The following SERINC3 variants were observed in gnomAD, a reference collection of about 807,000 sequenced individuals.
SERINC3 encodes tumor differentially expressed protein 1.
In SERINC3, 22 loss-of-function variants were observed where a neutral mutation model predicts 52.1. The ratio of observed to expected loss-of-function variants is 0.42; its 90% CI spans 0.30 to 0.60. The LOEUF is 0.60. Ranked by LOEUF, SERINC3 falls within the 20% of genes least tolerant of loss-of-function variation. SERINC3 has a pLI of 0.16. For missense variants in SERINC3, 564 were observed against 584.6 expected (o/e 0.96, Z 0.36); for synonymous variants, 226 against 212.7 (o/e 1.06, Z -0.54).
Position 44,500,439 on chromosome 20 carries a change from G to C in SERINC3, c.1284-5C>G, listed in dbSNP as rs1170941307. 1 of 1,558,190 alleles carries C rather than the reference G, an allele frequency of 6.4e-7. No individual in the cohort carries two copies. The highest frequency in any genetic ancestry group is 1.9e-5 in the Admixed American group (1 of 51,324). On this transcript the variant is annotated splice_region_variant and splice_polypyrimidine_tract_variant and intron_variant, in intron 9 of 9. Coordinates refer to ENST00000342374, the MANE Select transcript of SERINC3 (RefSeq NM_006811.4). ...CTCTGAAACTTTGCATCAGGGCTAAGAAAACAAGAGAGAGTCAGGTAGAAA... is the reference window on the plus strand; with the variant it reads ...CTCTGAAACTTTGCATCAGGGCTAACAAAACAAGAGAGAGTCAGGTAGAAA...
Position 44,514,043 on chromosome 20 carries a change from G to A in SERINC3, c.40-3C>T, listed in dbSNP as rs781702053. The A allele has an allele frequency of 1.9e-6, 3 of 1,613,598 alleles. No individual in the cohort carries two copies. Among genetic ancestry groups the A allele is most frequent in the South Asian group, 2.2e-5 (2 of 90,998 alleles). On this transcript the variant is annotated splice_polypyrimidine_tract_variant and splice_region_variant and intron_variant, in intron 1 of 9. Transcript: ENST00000342374. ...GCACCGCTGCAGAGGCATGGAACCT[G>A]GAATGAGCACACCATGGTCACCTGA...
chr20:44,500,213 G>T lies in SERINC3; in HGVS notation c.*83C>A, dbSNP rs2064270324. The T allele has an allele frequency of 1.4e-6, 2 of 1,421,368 alleles. No individual in the cohort carries two copies. Among genetic ancestry groups the T allele is most frequent in the Admixed American group, 2.5e-5 (1 of 39,284 alleles). 88.0% of individuals were successfully genotyped at this position (1,421,368 alleles called of 1,614,324 possible). A position where few individuals can be genotyped will look rare whatever the true frequency, so the allele number is the denominator to read the frequency against. ...TGCAAAGCATTCACTTAATATTTTA[G>T]TTGAAACAAACTTAAAAGGTATATG... On this transcript the variant is annotated 3_prime_UTR_variant, in exon 10 of 10. Coordinates refer to ENST00000342374, the MANE Select transcript of SERINC3 (RefSeq NM_006811.4).
At chr20:44,508,988 G>C (rs184791692) in intron 5 of SERINC3, among the ~76,000 whole-genome samples, 1 of 152,286 alleles carries the variant, frequency 6.6e-6, no homozygotes, top group East Asian at 1.9e-4. Flanking sequence ...AAATAAAACT[G>C]CGCAATTCAA....
chr20:44,509,265 T>C (rs1016325402), intron 5 of SERINC3, among the ~76,000 whole-genome samples: 1 of 152,176 alleles, frequency 6.6e-6, no homozygotes, highest in Non-Finnish European at 1.5e-5. Flanking sequence ...CTCACTCCTA[T>C]CTGCCTAAAG....
At chr20:44,512,244 G>C (rs1490876586) in intron 3 of SERINC3, among the ~76,000 whole-genome samples, 1 of 151,142 alleles carries the variant, frequency 6.6e-6, no homozygotes. Flanking sequence ...ACCCGGGAGG[G>C]GGAGGTTGCA....
rs539718622 is a variant in SERINC3, at chr20:44,509,843, G to T, written c.613+48C>A. 12 of 1,589,412 alleles carry T rather than the reference G, an allele frequency of 7.5e-6. No homozygotes were observed. The African/African-American group carries it at 1.3e-4, about 18-fold the overall frequency. ...ATAATGATGATTTTTATTGTACACC[G>T]TGCTTAATGTAGCAGTATGGCTAAC... On this transcript the variant is annotated intron_variant, in intron 5 of 9. Transcript: ENST00000342374.
At chr20:44,519,530 CAAG>C (rs1278620936) in intron 1 of SERINC3, 2 of 231,718 alleles carry the variant, frequency 8.6e-6, no homozygotes, top group Non-Finnish European at 1.4e-5. Flanking sequence ...TTCTTTAGGT[CAAG>C]GTCAGAATAA....
At chr20:44,518,634 T>C (rs577584791) in intron 1 of SERINC3, among the ~76,000 whole-genome samples, 1 of 152,288 alleles carries the variant, frequency 6.6e-6, no homozygotes, top group East Asian at 1.9e-4. Context: ...GTTCTTCTCA[T>C]AGAAGCCTTT....
intron 1 of SERINC3, among the ~76,000 whole-genome samples, chr20:44,518,075 C>T (rs1293503266): frequency 1.3e-5 from 2 of 152,088 alleles, no homozygotes; most frequent in Admixed American, 1.3e-4. Flanking sequence ...TCACAGTATC[C>T]TTAGCTATCA....
At chr20:44,515,151 C>A (rs1486270864) in intron 1 of SERINC3, among the ~76,000 whole-genome samples, 21 of 152,130 alleles carry the variant, frequency 1.4e-4, no homozygotes, top group Admixed American at 1.3e-3. Context: ...GTCAGGAGTT[C>A]AAGACCAGCC....
chr20:44,511,253 T>C (rs761002922), intron 4 of SERINC3, 36 bp downstream of exon 4: 109 of 1,376,270 alleles, frequency 7.9e-5, no homozygotes, highest in Non-Finnish European at 7.6e-5. Flanking sequence ...AGAGTTTATA[T>C]AGTTTAAAAT....
intron 1 of SERINC3, among the ~76,000 whole-genome samples, chr20:44,515,591 C>T (rs541443190): frequency 1.3e-5 from 2 of 151,650 alleles, no homozygotes; most frequent in East Asian, 1.9e-4. Context: ...TTTAGGGCGA[C>T]GAACTAGACA....
intron 5 of SERINC3, among the ~76,000 whole-genome samples, chr20:44,507,735 G>A (rs1441009535): frequency 6.6e-6 from 1 of 152,172 alleles, no homozygotes; most frequent in Admixed American, 6.5e-5. Flanking sequence ...CAGGCATGGT[G>A]GCATAAGGCT....
At chr20:44,509,255 C>T (rs113796820) in intron 5 of SERINC3, among the ~76,000 whole-genome samples, 1 of 152,166 alleles carries the variant, frequency 6.6e-6, no homozygotes, top group African/African-American at 2.4e-5. Context: ...ATAAGGACTA[C>T]TCACTCCTAT....
chr20:44,516,739 A>C (rs375324054), intron 1 of SERINC3, among the ~76,000 whole-genome samples: 2 of 152,140 alleles, frequency 1.3e-5, no homozygotes, highest in East Asian at 3.9e-4. Flanking sequence ...CTGTTGCCCA[A>C]GCTGGAGTAC....
At chr20:44,503,793 T>G in intron 8 of SERINC3, 22 bp downstream of exon 8, 1 of 1,493,776 alleles carries the variant, frequency 6.7e-7, no homozygotes, top group Non-Finnish European at 8.9e-7. Context: ...GAAAATCTTG[T>G]TCTAAGTACC....
At position 44,499,899 on chromosome 20, in the gene SERINC3, A is replaced by AT. The variant is rs34126743; in HGVS notation, c.*396dup. On this transcript the variant is annotated 3_prime_UTR_variant, in exon 10 of 10. Coordinates refer to ENST00000342374, the MANE Select transcript of SERINC3 (RefSeq NM_006811.4). ...TAGAGGAAAACTGTAATATAAATGCATTTTTTTTTTTTTGCTTTTAAAGGA... is the reference window on the plus strand; with the variant it reads ...TAGAGGAAAACTGTAATATAAATGCATTTTTTTTTTTTTTGCTTTTAAAGGA... The AT allele has an allele frequency of 2.4e-3, 312 of 130,846 alleles. 2 individuals are homozygous for AT. Among genetic ancestry groups the AT allele is most frequent in the South Asian group, 5.4e-3 (20 of 3,672 alleles). 8.1% of individuals were successfully genotyped at this position (130,846 alleles called of 1,614,324 possible).
At chr20:44,502,796 T>C (rs940758773) in intron 8 of SERINC3, among the ~76,000 whole-genome samples, 1 of 151,900 alleles carries the variant, frequency 6.6e-6, no homozygotes, top group Non-Finnish European at 1.5e-5. Flanking sequence ...GGGCTCTTAC[T>C]ATCTTGCTCT....
At chr20:44,504,979 C>T in intron 6 of SERINC3, 88 bp from the exon 7 acceptor site, 2 of 888,740 alleles carry the variant, frequency 2.3e-6, no homozygotes, top group Non-Finnish European at 3.5e-6. Context: ...GTTAATTCAA[C>T]TATCAGTAAC....
Sources: gnomAD v4.1 joint callset for allele counts (sites outside exome capture counted in the v4.1 genomes callset) on GRCh38, gnomAD v4.1.1 for gene constraint, MANE v1.5 for transcripts, NCBI Gene and HGNC (gene_info 2026-07-23, HGNC 2026-07-21) for gene names.